LRRC40: variants seen among roughly 807,000 people sequenced by gnomAD.
The protein encoded by LRRC40 is leucine-rich repeat-containing protein 40.
LRRC40 carries 76 observed loss-of-function variants against 72.8 expected under a neutral mutation model. The observed-to-expected ratio is 1.04, with a 90% CI of 0.87 to 1.26. The LOEUF (loss-of-function observed/expected upper bound fraction) is 1.26. LRRC40 is among the 50% of genes most tolerant of loss of function. LRRC40 has a pLI of 0.00. For missense variants in LRRC40, 684 were observed against 698.9 expected (o/e 0.98, Z 0.24); for synonymous variants, 243 against 254.2 (o/e 0.96, Z 0.42).
chr1:70,169,833 G>A (rs557878072), intron 9 of LRRC40, among the ~76,000 whole-genome samples: 2 of 152,134 alleles, frequency 1.3e-5, no homozygotes, highest in South Asian at 4.1e-4. Context: ...CTTCACTGCT[G>A]AATTCTACCA....
chr1:70,159,433 C>T lies in LRRC40; in HGVS notation c.1117G>A (p.Gly373Arg). 1 of 1,520,404 alleles carries T rather than the reference C, an allele frequency of 6.6e-7. No individual in the cohort carries two copies. Among genetic ancestry groups the T allele is most frequent in the Non-Finnish European group, 9.0e-7 (1 of 1,106,048 alleles). 94.2% of individuals were successfully genotyped at this position (1,520,404 alleles called of 1,614,324 possible). A position where few individuals can be genotyped will look rare whatever the true frequency, so the allele number is the denominator to read the frequency against. The change falls in exon 10 of 15, where the codon GGA becomes AGA. Residue 373 changes from glycine to arginine, a missense_variant. By Grantham distance (125) the Gly-to-Arg change is moderately radical (BLOSUM62 -2). Transcript: ENST00000370952. ...KYLRSKIKDDGPSQSESATET... is the reference protein window; with the variant it reads ...KYLRSKIKDDRPSQSESATET... Reference sequence around the variant, plus strand: ...GTAGCAGACTCACTTTGGCTAGGTCCATCATCTGGCAAAAGAAAACTTATA... The same window carrying T: ...GTAGCAGACTCACTTTGGCTAGGTCTATCATCTGGCAAAAGAAAACTTATA...
At chr1:70,178,165 A>G (rs1001953254) in intron 6 of LRRC40, among the ~76,000 whole-genome samples, 2 of 152,180 alleles carry the variant, frequency 1.3e-5, no homozygotes, top group African/African-American at 4.8e-5. Context: ...TTTCAACTCC[A>G]TGGGGGTCAA....
chr1:70,165,696 G>A (rs1417997401), intron 9 of LRRC40, among the ~76,000 whole-genome samples: 1 of 151,990 alleles, frequency 6.6e-6, no homozygotes, highest in Non-Finnish European at 1.5e-5. Flanking sequence ...ATGAAGCAAT[G>A]AAGTGTCCCA....
intron 1 of LRRC40, among the ~76,000 whole-genome samples, chr1:70,192,641 A>T (rs569481108): frequency 2.2e-4 from 34 of 152,302 alleles, no homozygotes; most frequent in African/African-American, 7.7e-4. Context: ...GCCATGAAAA[A>T]GAACAAGATC....
At chr1:70,180,778 G>A (rs984103735) in intron 5 of LRRC40, among the ~76,000 whole-genome samples, 12 of 152,040 alleles carry the variant, frequency 7.9e-5, no homozygotes, top group African/African-American at 2.7e-4. Context: ...CAGTAAGAGG[G>A]GACTAACCTC....
chr1:70,165,261 C>T (rs1326789844), intron 9 of LRRC40, among the ~76,000 whole-genome samples: 2 of 152,152 alleles, frequency 1.3e-5, no homozygotes, highest in African/African-American at 2.4e-5. Context: ...AATAACAGTA[C>T]ATTGCAGAAA....
At chr1:70,148,348 G>T in intron 14 of LRRC40, 139 bp downstream of exon 14, 1 of 702,014 alleles carries the variant, frequency 1.4e-6, no homozygotes, top group Non-Finnish European at 2.3e-6. Flanking sequence ...TGGGACTCTG[G>T]GTTTTGTTAC....
chr1:70,196,410 C>T (rs750129380), intron 1 of LRRC40, among the ~76,000 whole-genome samples: 2 of 152,018 alleles, frequency 1.3e-5, no homozygotes, highest in East Asian at 3.9e-4. Flanking sequence ...ATTAGCCAGG[C>T]ATGGTGGCAT....
chr1:70,166,047 T>C (rs1225164324), intron 9 of LRRC40, among the ~76,000 whole-genome samples: 1 of 152,222 alleles, frequency 6.6e-6, no homozygotes, highest in African/African-American at 2.4e-5. Flanking sequence ...CTATTTGAAA[T>C]TCCCCTTAGA....
At chr1:70,164,941 TAAG>T (rs769268003) in intron 9 of LRRC40, among the ~76,000 whole-genome samples, 3 of 152,176 alleles carry the variant, frequency 2.0e-5, no homozygotes, top group Non-Finnish European at 4.4e-5. Context: ...GATAACCAAA[TAAG>T]AAGGTTTAAT....
chr1:70,203,749 C>T (rs1558132318), intron 1 of LRRC40, among the ~76,000 whole-genome samples: 1 of 152,088 alleles, frequency 6.6e-6, no homozygotes, highest in African/African-American at 2.4e-5. Flanking sequence ...GTTATGTGAG[C>T]AAAGATAGGA....
At chr1:70,176,074 G>GAA in intron 6 of LRRC40, 92 bp from the exon 7 acceptor site, 1 of 692,620 alleles carries the variant, frequency 1.4e-6, no homozygotes, top group Non-Finnish European at 2.2e-6. Flanking sequence ...AATTTCAAGT[G>GAA]ATTGAAAAAC....
At chr1:70,147,755 ATC>A (rs1435540325) in intron 14 of LRRC40, 3 of 152,206 alleles carry the variant, frequency 2.0e-5, no homozygotes, top group African/African-American at 7.2e-5. Flanking sequence ...AATATACCAA[ATC>A]ATTCATATGC....
At position 70,152,413 on chromosome 1, in the gene LRRC40, G is replaced by T; in HGVS notation, c.1439+20C>A. The T allele has an allele frequency of 8.5e-7, 1 of 1,182,894 alleles. No individual in the cohort carries two copies. Among genetic ancestry groups the T allele is most frequent in the Non-Finnish European group, 1.3e-6 (1 of 798,730 alleles). 73.3% of individuals were successfully genotyped at this position (1,182,894 alleles called of 1,614,324 possible). A position where few individuals can be genotyped will look rare whatever the true frequency, so the allele number is the denominator to read the frequency against. On this transcript the variant is annotated intron_variant, in intron 12 of 14. Transcript: ENST00000370952. ...AAGTTATAACTTTTTAAAAAGTCAA[G>T]CAATAGTATCAATAAATACCTGAGA... is the stretch of plus-strand genomic sequence containing the variant.
intron 1 of LRRC40, among the ~76,000 whole-genome samples, chr1:70,190,778 G>C (rs1012899555): frequency 1.3e-5 from 2 of 149,602 alleles, no homozygotes; most frequent in East Asian, 3.9e-4. Context: ...TACTCCTTAT[G>C]TCTGATTATG....
chr1:70,146,371 CTAAT>C (rs1167396275), intron 14 of LRRC40, among the ~76,000 whole-genome samples: 3 of 152,150 alleles, frequency 2.0e-5, no homozygotes, highest in African/African-American at 4.8e-5. Context: ...AGAATTATAA[CTAAT>C]TAATAACCCA....
rs200195319 is a variant in LRRC40 at position 70,179,029 on chromosome 1, A to G, written c.662-36T>C. 1.0e-3 allele frequency: 1,333 copies of G among 1,336,620 alleles called. 9 individuals are homozygous for G. In the African/African-American group the frequency reaches 0.017, roughly 17 times the overall value. The allele number at this position is 1,336,620 out of a possible 1,614,324, so 82.8% of individuals were successfully genotyped here. ...TATTCAGTAAAAAACAAAAATAGAGAAAAAAAAATTAGTTTCTGATCGTAT... is the reference window on the plus strand; with the variant it reads ...TATTCAGTAAAAAACAAAAATAGAGGAAAAAAAATTAGTTTCTGATCGTAT... On this transcript the variant is annotated intron_variant, in intron 5 of 14. Transcript: ENST00000370952.
At chr1:70,202,369 A>G (rs978019632) in intron 1 of LRRC40, among the ~76,000 whole-genome samples, 2 of 152,238 alleles carry the variant, frequency 1.3e-5, no homozygotes, top group Non-Finnish European at 2.9e-5. Flanking sequence ...AAAAAAGATT[A>G]AGTCATCAAA....
intron 9 of LRRC40, among the ~76,000 whole-genome samples, chr1:70,164,320 G>A (rs988975671): frequency 5.9e-5 from 9 of 151,964 alleles, no homozygotes; most frequent in Non-Finnish European, 5.9e-5. Context: ...AACCCAGGAG[G>A]CAAAGGTTGC....
Sources: allele counts gnomAD v4.1 joint callset (sites outside exome capture counted in the v4.1 genomes callset), GRCh38; gene constraint gnomAD v4.1.1; transcripts MANE v1.5; gene names NCBI Gene and HGNC (gene_info 2026-07-23, HGNC 2026-07-21).